The following PTPRQ variants were observed in gnomAD, a reference collection of about 807,000 sequenced individuals.
The protein encoded by PTPRQ is phosphatidylinositol phosphatase PTPRQ.
PTPRQ carries 199 observed loss-of-function variants against 246.0 expected under a neutral mutation model. The ratio of observed to expected loss-of-function variants is 0.81; its 90% CI spans 0.72 to 0.91. The LOEUF (loss-of-function observed/expected upper bound fraction) is 0.91, where lower values mean the gene tolerates loss of function less well. Among genes scored for constraint, PTPRQ ranks in the 40% least tolerant of loss-of-function variants. The probability of loss-of-function intolerance (pLI) is 0.00; values close to 1 mark genes in which losing one functional copy is unlikely to be tolerated. For missense variants in PTPRQ, 2,624 were observed against 2,528.4 expected (o/e 1.04, Z -0.81); for synonymous variants, 869 against 853.2 (o/e 1.02, Z -0.32).
chr12:80,603,454 A>G (rs1353337656), intron 26 of PTPRQ, among the ~76,000 whole-genome samples: 1 of 151,672 alleles, frequency 6.6e-6, no homozygotes, highest in Non-Finnish European at 1.5e-5. Flanking sequence ...CTAAATTACT[A>G]CTTGGGCTTG....
At chr12:80,491,919 A>G (rs1263056615) in intron 9 of PTPRQ, among the ~76,000 whole-genome samples, 3 of 151,924 alleles carry the variant, frequency 2.0e-5, no homozygotes, top group Non-Finnish European at 2.9e-5. Context: ...TGAAACCTAT[A>G]TTATGAATTA....
chr12:80,479,002 T>C (rs1893929629), intron 8 of PTPRQ, among the ~76,000 whole-genome samples: 1 of 151,742 alleles, frequency 6.6e-6, no homozygotes, highest in Non-Finnish European at 1.5e-5. Flanking sequence ...CAGGCCAACG[T>C]TCAGATTCAG....
At chr12:80,495,410 T>C (rs1260362929) in intron 12 of PTPRQ, 39 bp downstream of exon 12, 3 of 1,288,844 alleles carry the variant, frequency 2.3e-6, no homozygotes, top group South Asian at 1.7e-5. Context: ...TGTTGTTCAT[T>C]TTACATTTCT....
rs1176393485 is a variant in PTPRQ, at chr12:80,471,474, A to ATTTTTTTTTTTTTT, written c.1040-627_1040-614dup. ...ATAGAAGATAATGAAATTATTTAGC[A>ATTTTTTTTTTTTTT]TTTTTTTTTTTTTTTTTATTTGAGA... On this transcript the variant is annotated intron_variant, in intron 7 of 44. Transcript: ENST00000644991. Among the ~76,000 whole-genome samples, 16 of 73,198 alleles carry ATTTTTTTTTTTTTT rather than the reference A, an allele frequency of 2.2e-4. 5 individuals are homozygous for ATTTTTTTTTTTTTT. Among genetic ancestry groups the ATTTTTTTTTTTTTT allele is most frequent in the African/African-American group, 7.1e-4 (12 of 16,858 alleles). The allele number at this position is 73,198 out of a possible 152,430, so 48.0% of individuals were successfully genotyped here.
intron 17 of PTPRQ, among the ~76,000 whole-genome samples, chr12:80,518,437 C>T (rs1414186721): frequency 6.6e-6 from 1 of 152,066 alleles, no homozygotes; most frequent in Non-Finnish European, 1.5e-5. Flanking sequence ...TGTGGGTTGT[C>T]TTTTCTCTTT....
chr12:80,661,514 CAT>C (rs1900630248), intron 39 of PTPRQ, among the ~76,000 whole-genome samples: 1 of 151,106 alleles, frequency 6.6e-6, no homozygotes, highest in African/African-American at 2.4e-5. Flanking sequence ...TAAACATATA[CAT>C]ATATGTGTAT....
At chr12:80,581,789 A>G (rs1440490940) in intron 25 of PTPRQ, among the ~76,000 whole-genome samples, 1 of 152,206 alleles carries the variant, frequency 6.6e-6, no homozygotes, top group South Asian at 2.1e-4. Flanking sequence ...TACACCCAAT[A>G]GAAAAAAAAG....
intron 6 of PTPRQ, chr12:80,465,538 T>C (rs867374932): frequency 4.6e-5 from 7 of 152,074 alleles, no homozygotes; most frequent in African/African-American, 7.2e-5. Context: ...CAAAGCCGGG[T>C]AGAGACACAA....
In PTPRQ at chr12:80,622,818, G is replaced by T. The variant is rs116059981; in HGVS notation, c.5686+684G>T. Among the ~76,000 whole-genome samples the T allele has an allele frequency of 6.3e-3, 956 of 152,052 alleles. 11 individuals carry two copies. The highest frequency in any genetic ancestry group is 0.022 in the African/African-American group (921 of 41,518). ...TTGATAAGAGTATCATCCTTGAGGG[G>T]TTGTTGAAGTTTTGTGTAAAACAAC... On this transcript the variant is annotated intron_variant, in intron 33 of 44. Transcript: ENST00000644991.
intron 8 of PTPRQ, among the ~76,000 whole-genome samples, chr12:80,478,366 A>G (rs571058362): frequency 6.6e-6 from 1 of 151,884 alleles, no homozygotes; most frequent in African/African-American, 2.4e-5. Context: ...CATCCACACC[A>G]AAAACCCATC....
chr12:80,668,621 A>C (rs1900863399), intron 39 of PTPRQ, among the ~76,000 whole-genome samples: 1 of 151,926 alleles, frequency 6.6e-6, no homozygotes, highest in Non-Finnish European at 1.5e-5. Flanking sequence ...CAATATCTTC[A>C]TCTATAAAAT....
chr12:80,512,958 T>G (rs1895167137), intron 17 of PTPRQ, among the ~76,000 whole-genome samples: 1 of 152,198 alleles, frequency 6.6e-6, no homozygotes, highest in East Asian at 1.9e-4. Flanking sequence ...GGTGCCCCCC[T>G]GCTCAAACCT....
chr12:80,491,249 G>A (rs1303360791), intron 9 of PTPRQ, among the ~76,000 whole-genome samples: 2 of 151,908 alleles, frequency 1.3e-5, no homozygotes, highest in African/African-American at 2.4e-5. Context: ...AATTCTTTGT[G>A]CTACCTCACT....
chr12:80,490,945 G>T (rs1012032533), intron 9 of PTPRQ, among the ~76,000 whole-genome samples: 12 of 151,870 alleles, frequency 7.9e-5, no homozygotes, highest in African/African-American at 2.7e-4. Context: ...TTAAGTGTGA[G>T]AAATATTTGC....
intron 17 of PTPRQ, among the ~76,000 whole-genome samples, chr12:80,514,402 A>ACTCT (rs1350863785): frequency 0.01 from 1,185 of 112,994 alleles, 23 homozygotes; most frequent in African/African-American, 0.036. Context: ...ACACACACAC[A>ACTCT]CTCTCTCTCT....
At chr12:80,480,954 A>G (rs1441142455) in intron 8 of PTPRQ, among the ~76,000 whole-genome samples, 19 of 152,262 alleles carry the variant, frequency 1.2e-4, no homozygotes, top group Non-Finnish European at 1.5e-4. Context: ...TACAAGGAGG[A>G]ACTGGTACCA....
At chr12:80,646,521 G>T (rs568741898) in intron 35 of PTPRQ, among the ~76,000 whole-genome samples, 1 of 152,238 alleles carries the variant, frequency 6.6e-6, no homozygotes, top group South Asian at 2.1e-4. Context: ...CACCAACTCT[G>T]GTTAGTCATT....
intron 25 of PTPRQ, among the ~76,000 whole-genome samples, chr12:80,562,411 G>A (rs1220798601): frequency 2.0e-5 from 3 of 152,126 alleles, no homozygotes; most frequent in Non-Finnish European, 1.5e-5. Context: ...ACTTAGAGAT[G>A]TCTTTTTGGA....
At chr12:80,671,158 T>C (rs188741727) in intron 42 of PTPRQ, among the ~76,000 whole-genome samples, 1 of 152,190 alleles carries the variant, frequency 6.6e-6, no homozygotes, top group Admixed American at 6.6e-5. Flanking sequence ...TTTCCATAAA[T>C]TTCTGGATTT....
Sources: allele counts gnomAD v4.1 joint callset (sites outside exome capture counted in the v4.1 genomes callset), GRCh38; gene constraint gnomAD v4.1.1; transcripts MANE v1.5; gene names NCBI Gene and HGNC (gene_info 2026-07-23, HGNC 2026-07-21).